The following LAMP5 variants were observed in gnomAD, a reference collection of about 807,000 sequenced individuals.
The protein encoded by LAMP5 is lysosome-associated membrane glycoprotein 5.
Under a neutral mutation model 30.2 loss-of-function variants are expected in LAMP5, and 36 were observed. The observed-to-expected ratio is 1.19, with a 90% CI of 0.91 to 1.57. The LOEUF is 1.57. LAMP5 is among the 40% of genes most tolerant of loss of function. The pLI, the probability that LAMP5 is intolerant of heterozygous loss-of-function variation, is 0.00. For synonymous variants in LAMP5, 149 were observed against 134.6 expected, an observed-to-expected ratio of 1.11 and a Z score of -0.74; for missense variants, 377 against 354.9, an observed-to-expected ratio of 1.06 and a Z score of -0.50.
chr20:9,515,436 T>C lies in LAMP5; in HGVS notation c.65-17T>C, dbSNP rs2232261. ...GCTGAGCCCTGAACTGATGGAATTG[T>C]TTTGTTTGTTCCGCAGATACAATGG... On this transcript the variant is annotated splice_polypyrimidine_tract_variant and intron_variant, in intron 1 of 5. Coordinates refer to ENST00000246070, the MANE Select transcript of LAMP5 (RefSeq NM_012261.4). 4.3e-6 allele frequency: 7 copies of C among 1,609,880 alleles called. No homozygotes were observed. Among genetic ancestry groups the C allele is most frequent in the East Asian group, 2.2e-5 (1 of 44,832 alleles).
At chr20:9,527,687 C>T (rs1568945929) in intron 5 of LAMP5, among the ~76,000 whole-genome samples, 1 of 152,204 alleles carries the variant, frequency 6.6e-6, no homozygotes, top group East Asian at 1.9e-4. Flanking sequence ...CACCAGTTAC[C>T]CACAAGAAGC....
chr20:9,516,530 T>C (rs2045041663), intron 4 of LAMP5, among the ~76,000 whole-genome samples, 169 bp downstream of exon 4: 1 of 152,098 alleles, frequency 6.6e-6, no homozygotes. Flanking sequence ...CCATGAGTCT[T>C]CTGGGTCTCA....
At chr20:9,520,556 T>C (rs2045072663) in intron 5 of LAMP5, among the ~76,000 whole-genome samples, 1 of 151,382 alleles carries the variant, frequency 6.6e-6, no homozygotes, top group Non-Finnish European at 1.5e-5. Context: ...GCACACCTAC[T>C]GCAGGGGTGT....
In LAMP5 at chr20:9,515,586, TA is replaced by T; in HGVS notation, c.199del (p.Ile67LeufsTer12). On this transcript the variant is annotated frameshift_variant, in exon 2 of 6. Coordinates refer to ENST00000246070, the MANE Select transcript of LAMP5 (RefSeq NM_012261.4). LOFTEE classifies it high-confidence loss of function. The part of the protein sequence containing the change: ...CLMAEFAAKF[I>X]VPYDVWASNY... ...TCATGGCAGAGTTTGCAGCCAAATT[TA>T]TTGTACCTTATGATGTGTGGGCCAG... 6.2e-7 allele frequency: 1 copy of T among 1,614,160 alleles called. No individual in the cohort carries two copies. Among genetic ancestry groups the T allele is most frequent in the Non-Finnish European group, 8.5e-7 (1 of 1,180,022 alleles).
chr20:9,525,384 C>T (rs932314467), intron 5 of LAMP5, among the ~76,000 whole-genome samples: 10 of 152,100 alleles, frequency 6.6e-5, no homozygotes, highest in Non-Finnish European at 1.5e-4. Context: ...TGTAGTATGA[C>T]GTTGGATACT....
chr20:9,528,422 G>A (rs1309584020), intron 5 of LAMP5, among the ~76,000 whole-genome samples: 1 of 152,078 alleles, frequency 6.6e-6, no homozygotes, highest in Non-Finnish European at 1.5e-5. Context: ...TTCAATAGCA[G>A]AGTAGGGTGA....
chr20:9,526,941 A>T (rs57629446), intron 5 of LAMP5, among the ~76,000 whole-genome samples: 7,622 of 146,108 alleles, frequency 0.052, 329 homozygotes, highest in East Asian at 0.22. Context: ...GTACAATTGT[A>T]TGCATTTAAG....
chr20:9,515,526 T>C lies in LAMP5; in HGVS notation c.138T>C (p.Asp46=), dbSNP rs984589224. 1 of 1,614,112 alleles carries C rather than the reference T, an allele frequency of 6.2e-7. No homozygotes were observed. The highest frequency in any genetic ancestry group is 8.5e-7 in the Non-Finnish European group (1 of 1,179,986). The change falls in exon 2 of 6, where the codon GAT becomes GAC. Residue 46 remains aspartate (D), a synonymous_variant. Transcript: ENST00000246070. ...LSGLSTNPEK[D]IFVVRENGTT... ...GCCTTTCCACTAACCCTGAAAAAGA[T>C]ATATTTGTGGTGCGGGAAAATGGGA...
At chr20:9,529,549 T>A (rs917255428) in intron 5 of LAMP5, 93 bp from the exon 6 acceptor site, 3 of 1,309,154 alleles carry the variant, frequency 2.3e-6, no homozygotes, top group Non-Finnish European at 3.1e-6. Context: ...CCTTGAGAAA[T>A]CTTTTTACCT....
intron 1 of LAMP5, 64 bp from the exon 2 acceptor site, chr20:9,515,389 C>A: frequency 2.0e-6 from 3 of 1,514,106 alleles, no homozygotes; most frequent in Non-Finnish European, 2.7e-6. Flanking sequence ...TGTCTCCCCA[C>A]CCTAGCGCCC....
intron 5 of LAMP5, among the ~76,000 whole-genome samples, chr20:9,529,236 C>G (rs1482510187): frequency 1.3e-5 from 2 of 152,306 alleles, no homozygotes; most frequent in African/African-American, 4.8e-5. Context: ...ATCACCAACA[C>G]TTGGTATTTT....
Position 9,514,627 on chromosome 20 carries a change from C to T in LAMP5, c.-226C>T. On this transcript the variant is annotated 5_prime_UTR_variant, in exon 1 of 6. Transcript: ENST00000246070. ...GCACTCGCAGCCGTGGACCGCCGTG[C>T]GGTCCTTTCCTCCGCAGTGAGCCGA... The T allele has an allele frequency of 2.1e-6, 1 of 473,942 alleles. No individual in the cohort carries two copies. Among genetic ancestry groups the T allele is most frequent in the Non-Finnish European group, 3.8e-6 (1 of 263,008 alleles). 29.4% of individuals were successfully genotyped at this position (473,942 alleles called of 1,614,324 possible).
chr20:9,514,964 G>C (rs888105827), intron 1 of LAMP5, 48 bp downstream of exon 1: 1 of 1,535,044 alleles, frequency 6.5e-7, no homozygotes, highest in African/African-American at 1.4e-5. Flanking sequence ...ACTCTTTGCA[G>C]AGAACAGAGC....
rs1329093953 is a variant in LAMP5 at position 9,516,380 on chromosome 20, G to T, written c.475+19G>T. 6.3e-7 allele frequency: 1 copy of T among 1,582,986 alleles called. No homozygotes were observed. Among genetic ancestry groups the T allele is most frequent in the South Asian group, 1.1e-5 (1 of 90,456 alleles). On this transcript the variant is annotated intron_variant, in intron 4 of 5. Coordinates refer to ENST00000246070, the MANE Select transcript of LAMP5 (RefSeq NM_012261.4). ...GTCAGTGGTGAGTGGAGGCTGGCATGGCTGGGGAGGGAGCCTGGGAACTCG... is the reference window on the plus strand; with the variant it reads ...GTCAGTGGTGAGTGGAGGCTGGCATTGCTGGGGAGGGAGCCTGGGAACTCG...
rs1015221078 is a variant in LAMP5, at chr20:9,514,623, C to T, written c.-230C>T. On this transcript the variant is annotated 5_prime_UTR_variant, in exon 1 of 6. Transcript: ENST00000246070. ...TTCAGCACTCGCAGCCGTGGACCGC[C>T]GTGCGGTCCTTTCCTCCGCAGTGAG... The T allele has an allele frequency of 1.4e-5, 7 of 517,312 alleles. No homozygotes were observed. Among genetic ancestry groups the T allele is most frequent in the Non-Finnish European group, 2.4e-5 (7 of 288,680 alleles). 32.0% of individuals were successfully genotyped at this position (517,312 alleles called of 1,614,324 possible).
chr20:9,524,638 CT>C (rs1394799895), intron 5 of LAMP5, among the ~76,000 whole-genome samples: 1 of 145,518 alleles, frequency 6.9e-6, no homozygotes, highest in Non-Finnish European at 1.5e-5. Context: ...AACCTTGGTG[CT>C]AGATGGTTTT....
Position 9,516,075 on chromosome 20 carries a change from G to C in LAMP5, c.313G>C (p.Glu105Gln). The change falls in exon 3 of 6, where the codon GAG becomes CAG. Residue 105 changes from glutamate (E) to glutamine (Q), a missense_variant. By Grantham distance (29) the Glu-to-Gln change is conservative (BLOSUM62 2). Transcript: ENST00000246070. ...GGGCCGCTGTGGCCACAGCCAGTCG[G>C]AGCTGCAAGTGTTCTGGGTGGATCG... ...VKGRCGHSQS[E>Q]LQVFWVDRAY... 2 of 1,548,662 alleles carry C rather than the reference G, an allele frequency of 1.3e-6. No homozygotes were observed. Among genetic ancestry groups the C allele is most frequent in the Non-Finnish European group, 1.7e-6 (2 of 1,154,042 alleles).
chr20:9,521,624 ACT>A (rs975427441), intron 5 of LAMP5, among the ~76,000 whole-genome samples: 7 of 151,904 alleles, frequency 4.6e-5, no homozygotes, highest in Non-Finnish European at 7.4e-5. Flanking sequence ...AATCTGAAAC[ACT>A]CTGTTTCTCA....
chr20:9,527,224 T>C (rs370910033), intron 5 of LAMP5, among the ~76,000 whole-genome samples: 1 of 152,190 alleles, frequency 6.6e-6, no homozygotes. Flanking sequence ...CCAACTATAG[T>C]GTTAAGTTGT....
Sources: allele counts gnomAD v4.1 joint callset (sites outside exome capture counted in the v4.1 genomes callset), GRCh38; gene constraint gnomAD v4.1.1; transcripts MANE v1.5; gene names NCBI Gene and HGNC (gene_info 2026-07-23, HGNC 2026-07-21).